The following STK32B variants were observed in gnomAD, a reference collection of about 807,000 sequenced individuals.
STK32B encodes serine/threonine kinase 32B, also known as serine/threonine-protein kinase 32B.
STK32B carries 43 observed loss-of-function variants against 52.6 expected under a neutral mutation model. That is an observed-to-expected ratio of 0.82 (90% CI 0.64 to 1.05). STK32B has a LOEUF of 1.05. Among genes scored for constraint, STK32B ranks in the 50% least tolerant of loss-of-function variants. STK32B has a pLI of 0.00. For synonymous variants in STK32B, 238 were observed against 204.3 expected (o/e 1.17, Z -1.41); for missense variants, 621 against 534.6 (o/e 1.16, Z -1.59).
chr4:5,415,891 C>T (rs914935620), intron 5 of STK32B, among the ~76,000 whole-genome samples: 5 of 152,212 alleles, frequency 3.3e-5, no homozygotes, highest in Non-Finnish European at 7.3e-5. Flanking sequence ...TGTGTTTTCC[C>T]ATCTCTTGGT....
At position 5,100,565 on chromosome 4, in the gene STK32B, T is replaced by TCCTCCTCCCTTGCCTGCCTC. The variant is rs1560151174; in HGVS notation, c.53-39334_53-39315dup. On this transcript the variant is annotated intron_variant, in intron 1 of 11. Transcript: ENST00000282908. ...TTTCCTCCTTTCCTCCTTCCTTCCTTCCTCCTCCCTTGCCTGCCTCCCTCC... is the reference window on the plus strand; with the variant it reads ...TTTCCTCCTTTCCTCCTTCCTTCCTTCCTCCTCCCTTGCCTGCCTCCCTCCTCCCTTGCCTGCCTCCCTCC... 2.1e-5 allele frequency among the ~76,000 whole-genome samples: 3 copies of TCCTCCTCCCTTGCCTGCCTC among 142,132 alleles called. No individual in the cohort carries two copies. In the East Asian group the frequency reaches 6.6e-4, roughly 31 times the overall value. 93.2% of individuals were successfully genotyped at this position (142,132 alleles called of 152,430 possible). A position where few individuals can be genotyped will look rare whatever the true frequency, so the allele number is the denominator to read the frequency against.
At chr4:5,152,683 C>T (rs1717470736) in intron 2 of STK32B, among the ~76,000 whole-genome samples, 1 of 152,248 alleles carries the variant, frequency 6.6e-6, no homozygotes, top group South Asian at 2.1e-4. Flanking sequence ...TGGAGGGCTG[C>T]CCGTGCAGCA....
At chr4:5,411,038 CTT>C (rs761947959) in intron 5 of STK32B, among the ~76,000 whole-genome samples, 26 of 141,318 alleles carry the variant, frequency 1.8e-4, no homozygotes, top group Admixed American at 2.1e-4. Flanking sequence ...GGCCCCATCT[CTT>C]TTTTTTTTTT....
intron 4 of STK32B, among the ~76,000 whole-genome samples, chr4:5,369,436 T>C (rs1735083912): frequency 6.6e-6 from 1 of 152,072 alleles, no homozygotes; most frequent in Non-Finnish European, 1.5e-5. Flanking sequence ...CTTCTGCTGC[T>C]TAGATCAGCA....
chr4:5,095,646 A>C (rs922625359), intron 1 of STK32B, among the ~76,000 whole-genome samples: 1 of 152,208 alleles, frequency 6.6e-6, no homozygotes, highest in Non-Finnish European at 1.5e-5. Context: ...AACAGGGTTC[A>C]TTTATTAAAA....
chr4:5,020,019 C>T, the STK32B span, among the ~76,000 whole-genome samples: 1 of 152,148 alleles, frequency 6.6e-6, no homozygotes, highest in Non-Finnish European at 1.5e-5. Flanking sequence ...TGGGCCAGGG[C>T]CCCCAGCCTC....
intron 3 of STK32B, among the ~76,000 whole-genome samples, chr4:5,179,093 A>G (rs752319086): frequency 2.6e-5 from 4 of 152,266 alleles, no homozygotes; most frequent in Non-Finnish European, 5.9e-5. Flanking sequence ...TCAGTTCTGC[A>G]TTGCTGGGGA....
In STK32B at chr4:5,353,484, AT is replaced by A. The variant is rs79335081; in HGVS notation, c.434+22094del. On this transcript the variant is annotated intron_variant, in intron 4 of 11. Transcript: ENST00000282908. ...GGCAACATTTTGAATGGGAGAAAAT[AT>A]TTGTAAACTATTCATCTGACAAAGG... Among the ~76,000 whole-genome samples, 1,175 of 152,242 alleles carry A rather than the reference AT, an allele frequency of 7.7e-3. 36 individuals are homozygous for A. In the East Asian group the frequency reaches 0.087, roughly 11 times the overall value.
intron 11 of STK32B, among the ~76,000 whole-genome samples, chr4:5,472,836 T>G (rs539330135): frequency 1.3e-5 from 2 of 152,188 alleles, no homozygotes; most frequent in Non-Finnish European, 2.9e-5. Flanking sequence ...TTAGATCATG[T>G]TCCTTTAATC....
At chr4:5,442,252 G>A (rs900921819) in intron 6 of STK32B, among the ~76,000 whole-genome samples, 1 of 147,742 alleles carries the variant, frequency 6.8e-6, no homozygotes. Context: ...TCTCTTTGTA[G>A]GTCACTCAGG....
At chr4:5,310,517 C>T (rs1404438706) in intron 3 of STK32B, among the ~76,000 whole-genome samples, 1 of 151,970 alleles carries the variant, frequency 6.6e-6, no homozygotes, top group East Asian at 1.9e-4. Context: ...TAATGGCTAT[C>T]ATCAAAAAGA....
intron 1 of STK32B, among the ~76,000 whole-genome samples, chr4:5,079,685 C>T (rs185572158): frequency 6.6e-5 from 10 of 152,248 alleles, no homozygotes; most frequent in African/African-American, 2.4e-4. Flanking sequence ...ATTACTCTTC[C>T]ACCCCTCATT....
intron 6 of STK32B, among the ~76,000 whole-genome samples, chr4:5,421,682 T>C (rs1006967072): frequency 6.6e-6 from 1 of 152,196 alleles, no homozygotes; most frequent in Non-Finnish European, 1.5e-5. Flanking sequence ...GTTCTTGGTC[T>C]CCAGGAAAGC....
chr4:5,258,572 G>C (rs1013229730), intron 3 of STK32B, among the ~76,000 whole-genome samples: 2 of 152,114 alleles, frequency 1.3e-5, no homozygotes, highest in Non-Finnish European at 2.9e-5. Context: ...TCAAACATCA[G>C]TGATCCATGA....
intron 1 of STK32B, among the ~76,000 whole-genome samples, chr4:5,136,890 C>T (rs1716111499): frequency 6.6e-6 from 1 of 152,212 alleles, no homozygotes; most frequent in Non-Finnish European, 1.5e-5. Context: ...AAGTCATCTA[C>T]ATCCAATCTA....
At chr4:5,268,770 G>A (rs917760443) in intron 3 of STK32B, among the ~76,000 whole-genome samples, 17 of 152,066 alleles carry the variant, frequency 1.1e-4, no homozygotes, top group African/African-American at 3.6e-4. Context: ...CTCTGCAGCC[G>A]AAAGCAGGCT....
At chr4:5,330,898 A>C (rs534934166) in intron 3 of STK32B, among the ~76,000 whole-genome samples, 2 of 152,320 alleles carry the variant, frequency 1.3e-5, no homozygotes, top group East Asian at 3.9e-4. Flanking sequence ...TAATTAAAGC[A>C]CCTGCTAAAA....
At chr4:5,278,172 A>C (rs969819981) in intron 3 of STK32B, among the ~76,000 whole-genome samples, 11 of 152,226 alleles carry the variant, frequency 7.2e-5, no homozygotes, top group Non-Finnish European at 1.3e-4. Flanking sequence ...CTATGACATG[A>C]AGAGCCTCTC....
At chr4:5,268,583 G>A (rs866909314) in intron 3 of STK32B, among the ~76,000 whole-genome samples, 46 of 122,894 alleles carry the variant, frequency 3.7e-4, no homozygotes, top group African/African-American at 1.3e-3. Context: ...GTGTGTGTGT[G>A]TATAGCAAAT....
Sources: allele counts gnomAD v4.1 joint callset (sites outside exome capture counted in the v4.1 genomes callset), GRCh38; gene constraint gnomAD v4.1.1; transcripts MANE v1.5; gene names NCBI Gene and HGNC (gene_info 2026-07-23, HGNC 2026-07-21).